Variants in LRRC9 observed in about 807,000 individuals in gnomAD.
The protein encoded by LRRC9 is leucine rich repeat containing 9, also known as leucine-rich repeat-containing protein 9.
LRRC9 carries 122 observed loss-of-function variants against 63.2 expected under a neutral mutation model. The ratio of observed to expected loss-of-function variants is 1.93; its 90% confidence interval spans 1.67 to 2.24. The LOEUF is 2.24. Among genes scored for constraint, LRRC9 ranks in the 30% most tolerant of loss-of-function variants. LRRC9 has a pLI of 0.00. For missense variants in LRRC9, 1,071 were observed against 627.7 expected (o/e 1.71, Z -7.55); for synonymous variants, 366 against 213.1 (o/e 1.72, Z -6.25).
At chr14:59,920,329 CCCT>C (rs1888665374) in intron 1 of LRRC9, 56 bp downstream of exon 1, 1 of 152,188 alleles carries the variant, frequency 6.6e-6, no homozygotes, top group Non-Finnish European at 1.5e-5. Context: ...GTCTTTGATC[CCCT>C]CTTTTTCCTT....
At position 60,003,019 on chromosome 14, in the gene LRRC9, T is replaced by C. The variant is rs1889514833; in HGVS notation, c.2665-602T>C. Among the ~76,000 whole-genome samples, 1 of 152,214 alleles carries C rather than the reference T, an allele frequency of 6.6e-6. No homozygotes were observed. Among genetic ancestry groups the C allele is most frequent in the Non-Finnish European group, 1.5e-5 (1 of 68,028 alleles). On this transcript the variant is annotated intron_variant, in intron 20 of 31. Coordinates refer to ENST00000445360, the Ensembl canonical transcript of LRRC9. This position sits in a 1 kb window ranked among gnomAD's most constrained non-coding sequence, Gnocchi z 4.2. ...CTTCTTGCTACATTAGGTGTCCTTATACCTCTTGCCAAACATAGAAACTGG... is the reference window on the plus strand; with the variant it reads ...CTTCTTGCTACATTAGGTGTCCTTACACCTCTTGCCAAACATAGAAACTGG...
chr14:59,954,935 A>G (rs1566810587), intron 8 of LRRC9, among the ~76,000 whole-genome samples: 1 of 152,090 alleles, frequency 6.6e-6, no homozygotes, highest in Non-Finnish European at 1.5e-5. Context: ...TGTTTATGTG[A>G]TGGATTATGT....
At chr14:59,999,720 A>G (rs1183819893) in intron 19 of LRRC9, among the ~76,000 whole-genome samples, 2 of 152,086 alleles carry the variant, frequency 1.3e-5, no homozygotes, top group African/African-American at 2.4e-5. Flanking sequence ...AACATCCTAA[A>G]TATATCTACT....
chr14:59,955,146 T>G (rs1014357888), intron 8 of LRRC9, among the ~76,000 whole-genome samples: 2 of 152,222 alleles, frequency 1.3e-5, no homozygotes, highest in African/African-American at 2.4e-5. Context: ...ATCAGGATGA[T>G]GCTGGCCTCA....
rs1303717218 is a variant in LRRC9, at chr14:59,922,290, G to T, written c.-34+2407G>T. Reference sequence around the variant, plus strand: ...GTCCGCTGTCTTTGGCCATTAGAAGGTTATTTTTGACCTTGTAGTGGCTTG... The same window carrying T: ...GTCCGCTGTCTTTGGCCATTAGAAGTTTATTTTTGACCTTGTAGTGGCTTG... On this transcript the variant is annotated intron_variant, in intron 1 of 31. Coordinates refer to ENST00000445360, the Ensembl canonical transcript of LRRC9. The surrounding 1 kb of genome is among the most constrained non-coding windows in gnomAD (Gnocchi z 5.3). Among the ~76,000 whole-genome samples the T allele has an allele frequency of 6.6e-6, 1 of 152,150 alleles. No homozygotes were observed. The highest frequency in any genetic ancestry group is 1.9e-4 in the East Asian group (1 of 5,200).
At chr14:59,946,396 A>AAT (rs1444070386) in intron 8 of LRRC9, among the ~76,000 whole-genome samples, 1 of 151,502 alleles carries the variant, frequency 6.6e-6, no homozygotes, top group Non-Finnish European at 1.5e-5. Flanking sequence ...TTTCATGTGC[A>AAT]AATGCATGTA....
At chr14:60,035,940 ATATT>A (rs1437010290) in intron 29 of LRRC9, among the ~76,000 whole-genome samples, 1 of 117,590 alleles carries the variant, frequency 8.5e-6, no homozygotes, top group Non-Finnish European at 1.9e-5. Flanking sequence ...TTAACAACAG[ATATT>A]TATTTCTCAC....
chr14:59,981,925 A>G (rs1886972121), exon 16 of LRRC9: 1 of 702,622 alleles, frequency 1.4e-6, no homozygotes. Flanking sequence ...AAGTATCAGT[A>G]TTTTCCAAGG....
At chr14:60,005,145 C>T (rs550611739) in intron 21 of LRRC9, among the ~76,000 whole-genome samples, 1 of 152,048 alleles carries the variant, frequency 6.6e-6, no homozygotes, top group Admixed American at 6.5e-5. Context: ...GCATACATAA[C>T]ATTTGTGACA....
chr14:60,052,786 A>G (rs1224958925), intron 29 of LRRC9, among the ~76,000 whole-genome samples: 1 of 152,216 alleles, frequency 6.6e-6, no homozygotes, highest in South Asian at 2.1e-4. Flanking sequence ...CTTCCATAAT[A>G]TAATCCTATT....
intron 31 of LRRC9, among the ~76,000 whole-genome samples, chr14:60,061,084 C>A (rs1008946613): frequency 7.2e-5 from 11 of 152,150 alleles, no homozygotes; most frequent in Non-Finnish European, 1.5e-4. Flanking sequence ...AAATTTACTC[C>A]TGGTGAAATG....
chr14:59,987,555 G>A lies in LRRC9; in HGVS notation c.2211+2331G>A, dbSNP rs146792886. 6.4e-4 allele frequency among the ~76,000 whole-genome samples: 97 copies of A among 151,218 alleles called. No individual in the cohort carries two copies. In the East Asian group the frequency reaches 0.017, roughly 26 times the overall value. On this transcript the variant is annotated intron_variant, in intron 17 of 31. Transcript: ENST00000445360. ...AGCCATTCGACCCAAAGAGTTTCCA[G>A]CAGCCTGGGATTTGCTTACTTAAGA...
chr14:59,982,425 G>A (rs1304522625), intron 16 of LRRC9, among the ~76,000 whole-genome samples: 3 of 152,120 alleles, frequency 2.0e-5, no homozygotes, highest in South Asian at 2.1e-4. Flanking sequence ...TTAGCTCATC[G>A]TTCTGGAGGC....
At chr14:60,056,431 C>T (rs951135753) in intron 30 of LRRC9, among the ~76,000 whole-genome samples, 4 of 152,132 alleles carry the variant, frequency 2.6e-5, no homozygotes, top group Non-Finnish European at 4.4e-5. Context: ...TTTGGCATAA[C>T]TCAAAATTCA....
intron 1 of LRRC9, among the ~76,000 whole-genome samples, chr14:59,924,849 T>C (rs1400537725): frequency 2.0e-5 from 3 of 152,034 alleles, no homozygotes; most frequent in Non-Finnish European, 4.4e-5. Context: ...ATAATTTTCC[T>C]TGCTATTCTG....
At chr14:59,978,228 A>C in intron 15 of LRRC9, 96 bp downstream of exon 15, 1 of 640,972 alleles carries the variant, frequency 1.6e-6, no homozygotes, top group Non-Finnish European at 2.8e-6. Context: ...TCAAGTTTAT[A>C]TTATGTGCAT....
chr14:59,981,253 G>A (rs1291715263), intron 15 of LRRC9, among the ~76,000 whole-genome samples: 2 of 152,032 alleles, frequency 1.3e-5, no homozygotes, highest in East Asian at 1.9e-4. Context: ...TTTGAAGTGT[G>A]TGTCCTTTTC....
At chr14:59,993,406 A>G (rs1311114661) in intron 17 of LRRC9, among the ~76,000 whole-genome samples, 1 of 152,220 alleles carries the variant, frequency 6.6e-6, no homozygotes, top group East Asian at 1.9e-4. Flanking sequence ...TGCATCAACT[A>G]ACGAGCAAAA....
At chr14:60,015,855 A>T (rs571272001) in intron 23 of LRRC9, among the ~76,000 whole-genome samples, 1 of 152,256 alleles carries the variant, frequency 6.6e-6, no homozygotes, top group Admixed American at 6.5e-5. Context: ...ACAGATGAGC[A>T]CTGGTGAAAG....
Sources: gnomAD v4.1 joint callset for allele counts (sites outside exome capture counted in the v4.1 genomes callset) on GRCh38, gnomAD v4.1.1 for gene constraint, Gnocchi (gnomAD v3.1) non-coding constraint, MANE v1.5 for transcripts, NCBI Gene and HGNC (gene_info 2026-07-23, HGNC 2026-07-21) for gene names.